Variants in CPNE2 observed in about 807,000 individuals in gnomAD.
CPNE2 encodes copine-2.
In CPNE2, 42 loss-of-function variants were observed where a neutral mutation model predicts 69.7. The ratio of observed to expected loss-of-function variants is 0.60; its 90% CI spans 0.47 to 0.78. CPNE2 has a LOEUF of 0.78. Ranked by LOEUF, CPNE2 falls within the 30% of genes least tolerant of loss-of-function variation. The pLI, the probability that CPNE2 is intolerant of heterozygous loss-of-function variation, is 0.00. For synonymous variants in CPNE2, 294 were observed against 289.8 expected, an observed-to-expected ratio of 1.01 and a Z score of -0.15; for missense variants, 587 against 732.0, an observed-to-expected ratio of 0.80 and a Z score of 2.29.
At chr16:57,106,202 CT>C (rs1364326097) in intron 1 of CPNE2, 3 of 152,752 alleles carry the variant, frequency 2.0e-5, no homozygotes, top group Non-Finnish European at 4.4e-5. Flanking sequence ...GGACCTGCCC[CT>C]GGCTCGGGGA....
At chr16:57,134,560 C>T (rs149466392) in intron 12 of CPNE2, among the ~76,000 whole-genome samples, 1 of 152,102 alleles carries the variant, frequency 6.6e-6, no homozygotes, top group Non-Finnish European at 1.5e-5. Context: ...CAGTTTCCTC[C>T]ACTATGAGGA....
rs1221178062 is a variant in CPNE2, at chr16:57,121,094, T to C, written c.683T>C (p.Val228Ala). ...CDGDMEKPIQ[V>A]MCYDYDNDGG... Reference sequence around the variant, plus strand: ...GTGACCGTGCTGAACCCACCCCAGGTCATGTGCTACGACTATGACAATGAC... The same window carrying C: ...GTGACCGTGCTGAACCCACCCCAGGCCATGTGCTACGACTATGACAATGAC... Residue 228 changes from valine to alanine, a missense_variant and splice_region_variant, in exon 8 of 16, where the codon GTC becomes GCC. By Grantham distance (64) the Val-to-Ala change is moderately conservative. Coordinates refer to ENST00000290776, the MANE Select transcript of CPNE2 (RefSeq NM_152727.6). 1 of 1,612,572 alleles carries C rather than the reference T, an allele frequency of 6.2e-7. No homozygotes were observed. Among genetic ancestry groups the C allele is most frequent in the Admixed American group, 1.7e-5 (1 of 59,880 alleles).
intron 11 of CPNE2, 31 bp from the exon 12 acceptor site, chr16:57,127,818 T>G: frequency 6.2e-7 from 1 of 1,613,200 alleles, no homozygotes. Context: ...TCAGGTGTCT[T>G]ACAGTGTGTT....
chr16:57,136,482 G>A (rs529919857), intron 13 of CPNE2, among the ~76,000 whole-genome samples: 6 of 152,290 alleles, frequency 3.9e-5, no homozygotes, highest in Admixed American at 6.5e-5. Flanking sequence ...TGCAAGCTTC[G>A]CCAAGCCCCT....
At chr16:57,143,378 C>T (rs1267126762) in intron 14 of CPNE2, 3 of 152,336 alleles carry the variant, frequency 2.0e-5, no homozygotes, top group African/African-American at 4.8e-5. Flanking sequence ...CTGGGCCCCA[C>T]CCTGGGCTGC....
chr16:57,094,121 G>T (rs912473700), intron 1 of CPNE2: 7 of 456,244 alleles, frequency 1.5e-5, no homozygotes, highest in African/African-American at 1.4e-4. Flanking sequence ...CAGCCAGCTG[G>T]ATTGGAAGGG....
At chr16:57,109,434 C>T (rs1453764378) in intron 1 of CPNE2, among the ~76,000 whole-genome samples, 4 of 151,246 alleles carry the variant, frequency 2.6e-5, no homozygotes, top group Non-Finnish European at 4.4e-5. Flanking sequence ...TGACATCATG[C>T]CACTGCACTT....
chr16:57,118,537 C>T (rs1305105398), intron 5 of CPNE2, among the ~76,000 whole-genome samples: 1 of 151,930 alleles, frequency 6.6e-6, no homozygotes, highest in Admixed American at 6.6e-5. Context: ...GTAACAGTTG[C>T]CAGGTGCAGC....
chr16:57,105,851 C>A (rs72777105), intron 1 of CPNE2, among the ~76,000 whole-genome samples: 14,274 of 152,166 alleles, frequency 0.094, 710 homozygotes, highest in Non-Finnish European at 0.11. Context: ...GGCTCCCCAT[C>A]CCATCCCCCA....
chr16:57,121,263 C>A, intron 8 of CPNE2, 72 bp downstream of exon 8: 2 of 1,357,832 alleles, frequency 1.5e-6, no homozygotes, highest in Admixed American at 1.9e-5. Context: ...GGTCTTGGGT[C>A]AGGCAGCCTG....
At chr16:57,100,154 C>T (rs1358981573) in intron 1 of CPNE2, among the ~76,000 whole-genome samples, 1 of 152,118 alleles carries the variant, frequency 6.6e-6, no homozygotes. Context: ...ATCCGCCCAC[C>T]TCAGCCTCCA....
At chr16:57,120,958 C>G in intron 7 of CPNE2, 135 bp from the exon 8 acceptor site, 1 of 608,374 alleles carries the variant, frequency 1.6e-6, no homozygotes, top group Middle Eastern at 2.6e-4. Context: ...CAGGAGCTAT[C>G]CAGGCCAGCT....
At chr16:57,121,624 G>T (rs766607672) in intron 8 of CPNE2, 50 bp from the exon 9 acceptor site, 67 of 1,565,816 alleles carry the variant, frequency 4.3e-5, no homozygotes, top group Non-Finnish European at 5.8e-5. Context: ...AGGAGGATCT[G>T]TTTCCAAAGA....
At chr16:57,121,071 G>A (rs2069757919) in intron 7 of CPNE2, 22 bp from the exon 8 acceptor site, 1 of 1,597,610 alleles carries the variant, frequency 6.3e-7, no homozygotes, top group Non-Finnish European at 8.6e-7. Flanking sequence ...GCTCTGGGGT[G>A]ACCGTGCTGA....
chr16:57,132,702 A>G (rs1328330854), intron 12 of CPNE2, among the ~76,000 whole-genome samples: 1 of 152,168 alleles, frequency 6.6e-6, no homozygotes, highest in Admixed American at 6.5e-5. Flanking sequence ...TCTCAGGCAA[A>G]CCAGGGCAAC....
chr16:57,145,996 G>C, intron 14 of CPNE2, 89 bp from the exon 15 acceptor site: 1 of 1,124,752 alleles, frequency 8.9e-7, no homozygotes, highest in Admixed American at 2.0e-5. Flanking sequence ...CTTCCTCCAG[G>C]ACTCGGAGGG....
intron 13 of CPNE2, among the ~76,000 whole-genome samples, chr16:57,135,488 G>C (rs1376789514): frequency 6.6e-6 from 1 of 152,124 alleles, no homozygotes. Context: ...GGGCAATAGA[G>C]GGAGACCCCA....
rs777282558 is a variant in CPNE2 at position 57,121,086 on chromosome 16, A to G, written c.682-7A>G. ...GCTCTGGGGTGACCGTGCTGAACCC[A>G]CCCCAGGTCATGTGCTACGACTATG... On this transcript the variant is annotated splice_region_variant and splice_polypyrimidine_tract_variant and intron_variant, in intron 7 of 15. Transcript: ENST00000290776. 3 of 1,611,730 alleles carry G rather than the reference A, an allele frequency of 1.9e-6. No individual in the cohort carries two copies. The highest frequency in any genetic ancestry group is 2.5e-6 in the Non-Finnish European group (3 of 1,178,582).
At chr16:57,108,599 G>A (rs1161509731) in intron 1 of CPNE2, among the ~76,000 whole-genome samples, 1 of 152,232 alleles carries the variant, frequency 6.6e-6, no homozygotes. Flanking sequence ...CTGACCACAG[G>A]AGGCTCAAAG....
Sources: allele counts gnomAD v4.1 joint callset (sites outside exome capture counted in the v4.1 genomes callset), GRCh38; gene constraint gnomAD v4.1.1; transcripts MANE v1.5; gene names NCBI Gene and HGNC (gene_info 2026-07-23, HGNC 2026-07-21).